The following TAF15 variants were observed in gnomAD, a reference collection of about 807,000 sequenced individuals.
TAF15 encodes TATA-binding protein-associated factor 2N.
TAF15 carries 37 observed loss-of-function variants against 102.5 expected under a neutral mutation model. The observed-to-expected ratio is 0.36, with a 90% CI of 0.28 to 0.47. The LOEUF (loss-of-function observed/expected upper bound fraction) is 0.47, where lower values mean the gene tolerates loss of function less well. TAF15 is among the 20% of genes least tolerant of loss of function. The probability of loss-of-function intolerance (pLI) is 0.99; values close to 1 mark genes in which losing one functional copy is unlikely to be tolerated. For synonymous variants in TAF15, 273 were observed against 259.2 expected, an observed-to-expected ratio of 1.05 and a Z score of -0.51; for missense variants, 652 against 760.7, an observed-to-expected ratio of 0.86 and a Z score of 1.68.
rs571393468 is a variant in TAF15, at chr17:35,846,679, A to T, written c.1740-227A>T. On this transcript the variant is annotated intron_variant, in intron 15 of 15. Coordinates refer to ENST00000605844, the MANE Select transcript of TAF15 (RefSeq NM_139215.3). ...TGTGGTTTGGAGTTTTAAGTGGAAA[A>T]TTTTTAAGAGAGTGAAGCAAAGCTT... Among the ~76,000 whole-genome samples, 30 of 152,288 alleles carry T rather than the reference A, an allele frequency of 2.0e-4. 1 individual carries two copies. In the South Asian group the frequency reaches 5.8e-3, roughly 29 times the overall value.
At chr17:35,829,631 CAAAAAAAAAA>C (rs746776421) in intron 7 of TAF15, among the ~76,000 whole-genome samples, 7 of 33,110 alleles carry the variant, frequency 2.1e-4, no homozygotes, top group Admixed American at 6.9e-4. Context: ...GACTCCATCT[CAAAAAAAAAA>C]AAAAAAAAAA....
intron 6 of TAF15, 145 bp downstream of exon 6, chr17:35,822,978 A>G (rs1168408285): frequency 3.9e-6 from 4 of 1,020,528 alleles, no homozygotes; most frequent in South Asian, 1.4e-5. Context: ...ATGGTAATCA[A>G]AACTAGTTTA....
chr17:35,841,425 C>T (rs2087542149), intron 11 of TAF15, among the ~76,000 whole-genome samples: 1 of 151,774 alleles, frequency 6.6e-6, no homozygotes, highest in African/African-American at 2.4e-5. Context: ...ATATTAGATA[C>T]AGGTTTTAGT....
chr17:35,834,549 C>G lies in TAF15; in HGVS notation c.641-17C>G, dbSNP rs748654007. On this transcript the variant is annotated splice_polypyrimidine_tract_variant and intron_variant, in intron 8 of 15. Transcript: ENST00000605844. Reference sequence around the variant, plus strand: ...AAATTGCCTTAAATAGCTCTTTTTTCTTTTCTTTTCCCTTAGGTCACAGGG... The same window carrying G: ...AAATTGCCTTAAATAGCTCTTTTTTGTTTTCTTTTCCCTTAGGTCACAGGG... The G allele has an allele frequency of 2.5e-6, 4 of 1,609,224 alleles. No homozygotes were observed. In the African/African-American group the frequency reaches 5.4e-5, roughly 22 times the overall value.
chr17:35,809,631 G>A, intron 1 of TAF15, 55 bp downstream of exon 1: 3 of 1,611,734 alleles, frequency 1.9e-6, no homozygotes, highest in Non-Finnish European at 1.7e-6. Flanking sequence ...TGGCGGGGTT[G>A]GGCTGTCTTC....
chr17:35,830,565 C>T (rs192896593), intron 7 of TAF15, among the ~76,000 whole-genome samples: 1 of 152,200 alleles, frequency 6.6e-6, no homozygotes, highest in Non-Finnish European at 1.5e-5. Flanking sequence ...ACCTCAGGCA[C>T]ATCTTCTGTT....
At chr17:35,846,322 CGTT>C (rs1364525800) in intron 15 of TAF15, among the ~76,000 whole-genome samples, 3 of 152,162 alleles carry the variant, frequency 2.0e-5, no homozygotes. Context: ...TATTAGATTA[CGTT>C]GTACTAGTTG....
In TAF15 at chr17:35,826,016, C is replaced by T. The variant is rs144168499; in HGVS notation, c.605+1818C>T. 2.6e-3 allele frequency among the ~76,000 whole-genome samples: 395 copies of T among 152,020 alleles called. 2 individuals are homozygous for T. Among genetic ancestry groups the T allele is most frequent in the African/African-American group, 8.8e-3 (365 of 41,510 alleles). On this transcript the variant is annotated intron_variant, in intron 7 of 15. Transcript: ENST00000605844. The stretch of plus-strand genomic sequence containing the variant: ...GTGACTCATCTTGTAACTAGAGGAT[C>T]GAAAGGACTTTGAATGATCCTCCTG...
At chr17:35,823,959 G>C in intron 6 of TAF15, 119 bp from the exon 7 acceptor site, 1 of 1,224,350 alleles carries the variant, frequency 8.2e-7, no homozygotes, top group Non-Finnish European at 1.2e-6. Flanking sequence ...CATTTGAGTT[G>C]TGTGCACATG....
chr17:35,817,901 T>C, intron 2 of TAF15, 146 bp downstream of exon 2: 1 of 726,408 alleles, frequency 1.4e-6, no homozygotes, highest in Non-Finnish European at 2.4e-6. Context: ...AAATAGGTGC[T>C]GTAAGACATT....
intron 7 of TAF15, among the ~76,000 whole-genome samples, chr17:35,825,303 A>G (rs1042136519): frequency 3.3e-5 from 5 of 152,234 alleles, no homozygotes; most frequent in African/African-American, 1.2e-4. Flanking sequence ...GTTGATAGCC[A>G]AAGTCAGTTT....
At chr17:35,839,399 T>TTTTTG (rs2087515199) in intron 11 of TAF15, among the ~76,000 whole-genome samples, 2 of 135,606 alleles carry the variant, frequency 1.5e-5, no homozygotes, top group East Asian at 2.1e-4. Context: ...TTTTTTTTTT[T>TTTTTG]GAGACGGAGT....
chr17:35,839,683 AGAT>A (rs1196615578), intron 11 of TAF15, among the ~76,000 whole-genome samples: 5 of 151,680 alleles, frequency 3.3e-5, no homozygotes, highest in African/African-American at 1.2e-4. Flanking sequence ...CACCCGGCCG[AGAT>A]GCTTTTTTTA....
chr17:35,828,710 C>T (rs927059931), intron 7 of TAF15, among the ~76,000 whole-genome samples: 1 of 151,706 alleles, frequency 6.6e-6, no homozygotes, highest in Non-Finnish European at 1.5e-5. Flanking sequence ...CCACTGCACT[C>T]CAGTCTGGGC....
intron 7 of TAF15, among the ~76,000 whole-genome samples, chr17:35,825,333 A>G (rs558218698): frequency 1.3e-5 from 2 of 152,324 alleles, no homozygotes; most frequent in East Asian, 3.9e-4. Context: ...AAACAAATAA[A>G]TTCTATGCTT....
chr17:35,813,998 G>T lies in TAF15; in HGVS notation c.8-3718G>T, dbSNP rs184797161. On this transcript the variant is annotated intron_variant, in intron 1 of 15. Transcript: ENST00000605844. ...TTTTCTTTTTTCTGTTTTTTTTGTT[G>T]TTGTTGTTGTTGTTTTTGTTTTTTT... Among the ~76,000 whole-genome samples, 1,280 of 135,480 alleles carry T rather than the reference G, an allele frequency of 9.4e-3. 21 individuals are homozygous for T. Among genetic ancestry groups the T allele is most frequent in the African/African-American group, 0.034 (1,210 of 35,666 alleles). The allele number at this position is 135,480 out of a possible 152,430, so 88.9% of individuals were successfully genotyped here. A position where few individuals can be genotyped will look rare whatever the true frequency, so the allele number is the denominator to read the frequency against.
rs960944595 is a variant in TAF15 at position 35,833,801 on chromosome 17, G to A, written c.606-106G>A. 4.3e-5 allele frequency: 50 copies of A among 1,151,468 alleles called. No homozygotes were observed. In the African/African-American group the frequency reaches 7.6e-4, roughly 18 times the overall value. 71.3% of individuals were successfully genotyped at this position (1,151,468 alleles called of 1,614,324 possible). On this transcript the variant is annotated intron_variant, in intron 7 of 15. Coordinates refer to ENST00000605844, the MANE Select transcript of TAF15 (RefSeq NM_139215.3). ...TTACTGAAAACTTAGAGGTGCTACT[G>A]TTTTCCTAAGCACTCTACTTGTGAC...
intron 7 of TAF15, among the ~76,000 whole-genome samples, chr17:35,825,584 G>A (rs189661145): frequency 8.5e-5 from 13 of 152,230 alleles, no homozygotes; most frequent in Non-Finnish European, 1.6e-4. Context: ...CATCCTAATC[G>A]ATTATTAAAC....
At chr17:35,843,793 G>T (rs1222114998) in intron 12 of TAF15, among the ~76,000 whole-genome samples, 2 of 152,198 alleles carry the variant, frequency 1.3e-5, no homozygotes, top group East Asian at 3.9e-4. Flanking sequence ...TTGGTCCCAA[G>T]TATTTGGGGG....
Sources: gnomAD v4.1 joint callset for allele counts (sites outside exome capture counted in the v4.1 genomes callset) on GRCh38, gnomAD v4.1.1 for gene constraint, MANE v1.5 for transcripts, NCBI Gene and HGNC (gene_info 2026-07-23, HGNC 2026-07-21) for gene names.